Variants in SH2D3C observed in about 807,000 individuals in gnomAD.
SH2D3C encodes SH2 domain-containing protein 3C.
SH2D3C carries 25 observed loss-of-function variants against 75.2 expected under a neutral mutation model. That is an observed-to-expected ratio of 0.33 (90% CI 0.24 to 0.46). The LOEUF (loss-of-function observed/expected upper bound fraction) is 0.46. Ranked by LOEUF, SH2D3C falls within the 20% of genes least tolerant of loss-of-function variation. The pLI is 1.00. For missense variants in SH2D3C, 933 were observed against 1,165.3 expected, an observed-to-expected ratio of 0.80 and a Z score of 2.90; for synonymous variants, 450 against 473.7, an observed-to-expected ratio of 0.95 and a Z score of 0.65.
intron 3 of SH2D3C, among the ~76,000 whole-genome samples, chr9:127,755,955 A>T (rs1205398830): frequency 6.6e-6 from 1 of 152,242 alleles, no homozygotes; most frequent in Non-Finnish European, 1.5e-5. Flanking sequence ...CCAGGCATGA[A>T]GTAAGCGCTC....
At chr9:127,758,843 C>T (rs1845457628) in intron 3 of SH2D3C, among the ~76,000 whole-genome samples, 1 of 152,238 alleles carries the variant, frequency 6.6e-6, no homozygotes, top group Admixed American at 6.5e-5. Flanking sequence ...AAAGTCATCC[C>T]CTACCTCTGG....
chr9:127,768,116 A>G (rs1254942319), intron 2 of SH2D3C, among the ~76,000 whole-genome samples: 1 of 152,174 alleles, frequency 6.6e-6, no homozygotes, highest in African/African-American at 2.4e-5. Flanking sequence ...TCGGAAGACA[A>G]GGACTAGCCT....
Position 127,774,474 on chromosome 9 carries a change from G to A in SH2D3C, c.38-7C>T, listed in dbSNP as rs201632158. The A allele has an allele frequency of 8.4e-4, 1,112 of 1,327,426 alleles. 12 individuals carry two copies. The highest frequency in any genetic ancestry group is 1.1e-3 in the Middle Eastern group (6 of 5,464). 82.2% of individuals were successfully genotyped at this position (1,327,426 alleles called of 1,614,324 possible). A position where few individuals can be genotyped will look rare whatever the true frequency, so the allele number is the denominator to read the frequency against. ...CCCTTGAACTTGAAGAACTCTAGCA[G>A]AGGGGAAGGGAAGGAAAAGAAGTTA... is the stretch of plus-strand genomic sequence containing the variant. On this transcript the variant is annotated splice_polypyrimidine_tract_variant and splice_region_variant and intron_variant, in intron 1 of 11. Transcript: ENST00000314830. The surrounding 1 kb of genome is among the most constrained non-coding windows in gnomAD (Gnocchi z 4.3).
chr9:127,749,716 G>T lies in SH2D3C; in HGVS notation c.685-51C>A. On this transcript the variant is annotated intron_variant, in intron 4 of 11. Transcript: ENST00000314830. The surrounding 1 kb of genome is among the most constrained non-coding windows in gnomAD (Gnocchi z 5.9). ...GTAGGGTGGGGCCAGGAGAGGGTCA[G>T]ACCCAGGATCTGGGGGACAGAGCAA... The T allele has an allele frequency of 7.9e-7, 1 of 1,263,252 alleles. No individual in the cohort carries two copies. The highest frequency in any genetic ancestry group is 1.1e-6 in the Non-Finnish European group (1 of 900,416). The allele number at this position is 1,263,252 out of a possible 1,614,324, so 78.3% of individuals were successfully genotyped here. A position where few individuals can be genotyped will look rare whatever the true frequency, so the allele number is the denominator to read the frequency against.
chr9:127,764,961 A>G (rs1167569002), intron 2 of SH2D3C, among the ~76,000 whole-genome samples: 2 of 152,046 alleles, frequency 1.3e-5, no homozygotes, highest in African/African-American at 4.8e-5. Flanking sequence ...TGCCTGCCTC[A>G]GCCTCCCAAA....
intron 3 of SH2D3C, chr9:127,755,416 T>A (rs1845352796): frequency 3.7e-6 from 1 of 272,528 alleles, no homozygotes; most frequent in Non-Finnish European, 6.8e-6. Flanking sequence ...GCCCTCCAGT[T>A]CCGCGCGCTC....
chr9:127,757,197 A>G (rs1845406013), intron 3 of SH2D3C, among the ~76,000 whole-genome samples: 1 of 149,098 alleles, frequency 6.7e-6, no homozygotes, highest in Admixed American at 6.7e-5. Flanking sequence ...CCCGCATTAC[A>G]CGCATAAGCC....
At position 127,739,970 on chromosome 9, in the gene SH2D3C, A is replaced by G; in HGVS notation, c.2201-82T>C. ...GCAGTCCTGGAAGCTGAGGTGCAGGAGGGAACGGGCCTGGCTGAGGTCCGG... is the reference window on the plus strand; with the variant it reads ...GCAGTCCTGGAAGCTGAGGTGCAGGGGGGAACGGGCCTGGCTGAGGTCCGG... On this transcript the variant is annotated intron_variant, in intron 10 of 11. Coordinates refer to ENST00000314830, the MANE Select transcript of SH2D3C (RefSeq NM_170600.3). This position sits in a 1 kb window ranked among gnomAD's most constrained non-coding sequence, Gnocchi z 4.3. 1 of 1,325,412 alleles carries G rather than the reference A, an allele frequency of 7.5e-7. No individual in the cohort carries two copies. Among genetic ancestry groups the G allele is most frequent in the Non-Finnish European group, 1.0e-6 (1 of 979,948 alleles). 82.1% of individuals were successfully genotyped at this position (1,325,412 alleles called of 1,614,324 possible).
chr9:127,749,277 C>A lies in SH2D3C; in HGVS notation c.1073G>T (p.Arg358Leu). ...SGPKGSHMKRRSVTMTDGLTA... is the reference protein window; with the variant it reads ...SGPKGSHMKRLSVTMTDGLTA... Reference sequence around the variant, plus strand: ...GAGCCCATCGGTCATGGTGACGCTGCGCCGCTTCATGTGGCTGCCCTTGGG... The same window carrying A: ...GAGCCCATCGGTCATGGTGACGCTGAGCCGCTTCATGTGGCTGCCCTTGGG... Residue 358 changes from arginine to leucine, a missense_variant, in exon 5 of 12, where the codon CGC (arginine) becomes CTC (leucine). Arg to Leu is a moderately radical substitution (Grantham distance 102). Transcript: ENST00000314830. This position sits in a 1 kb window ranked among gnomAD's most constrained non-coding sequence, Gnocchi z 5.9. 6.2e-7 allele frequency: 1 copy of A among 1,605,658 alleles called. No homozygotes were observed. Among genetic ancestry groups the A allele is most frequent in the Non-Finnish European group, 8.5e-7 (1 of 1,175,646 alleles).
rs950675333 is a variant in SH2D3C at position 127,754,202 on chromosome 9, G to C, written c.556-2902C>G. Among the ~76,000 whole-genome samples the C allele has an allele frequency of 1.3e-5, 2 of 152,130 alleles. No homozygotes were observed. Among genetic ancestry groups the C allele is most frequent in the East Asian group, 3.9e-4 (2 of 5,188 alleles). On this transcript the variant is annotated intron_variant, in intron 3 of 11. Coordinates refer to ENST00000314830, the MANE Select transcript of SH2D3C (RefSeq NM_170600.3). The surrounding 1 kb of genome is among the most constrained non-coding windows in gnomAD (Gnocchi z 4.4). ...TCTCACCGCCTCCCGGCCTGCGCGCGCCTGATTGGCCGGTGCGGGGATGCT... is the reference window on the plus strand; with the variant it reads ...TCTCACCGCCTCCCGGCCTGCGCGCCCCTGATTGGCCGGTGCGGGGATGCT...
In SH2D3C at chr9:127,745,049, C is replaced by A; in HGVS notation, c.1315G>T (p.Ala439Ser). Reference protein sequence around the residue: ...PAAPSATALPASPVARRSSEP... With the variant: ...PAAPSATALPSSPVARRSSEP... ...CTGGAACGGCGGGCGACAGGGGAGG[C>A]AGGCAATGCTGTGGCAGAAGGGGCT... The change falls in exon 7 of 12, where the codon GCC (alanine) becomes TCC (serine). Residue 439 changes from alanine to serine, a missense_variant. Physicochemically the swap from Ala to Ser is moderately conservative, Grantham distance 99 (BLOSUM62 1). Transcript: ENST00000314830. The A allele has an allele frequency of 6.6e-7, 1 of 1,510,542 alleles. No homozygotes were observed. The allele number at this position is 1,510,542 out of a possible 1,614,324, so 93.6% of individuals were successfully genotyped here. A position where few individuals can be genotyped will look rare whatever the true frequency, so the allele number is the denominator to read the frequency against.
intron 3 of SH2D3C, among the ~76,000 whole-genome samples, chr9:127,752,586 C>T (rs1845232117): frequency 6.6e-6 from 1 of 152,204 alleles, no homozygotes; most frequent in Non-Finnish European, 1.5e-5. Flanking sequence ...AGACTATCCA[C>T]AGATCTCGCC....
At chr9:127,762,373 G>C in intron 2 of SH2D3C, 1 of 1,281,876 alleles carries the variant, frequency 7.8e-7, no homozygotes, top group Non-Finnish European at 1.0e-6. Flanking sequence ...TCCAACCCCA[G>C]ACTTGGAAAC....
At chr9:127,758,932 A>G (rs2131784419) in intron 3 of SH2D3C, among the ~76,000 whole-genome samples, 1 of 152,348 alleles carries the variant, frequency 6.6e-6, no homozygotes, top group East Asian at 1.9e-4. Context: ...AGTCACTTAC[A>G]TAGAGTTGTG....
intron 5 of SH2D3C, 109 bp from the exon 6 acceptor site, chr9:127,747,380 G>T: frequency 9.2e-7 from 1 of 1,083,388 alleles, no homozygotes; most frequent in Non-Finnish European, 1.3e-6. Context: ...GAGAAGGCTT[G>T]GAGATTATCA....
Position 127,774,986 on chromosome 9 carries a change from G to A in SH2D3C, c.38-519C>T, listed in dbSNP as rs757181840. ...ACCTGTAATCCCAGCTTCTTGGGAGGCTGAGGCAGGAGAATTGCTTGAACC... is the reference window on the plus strand; with the variant it reads ...ACCTGTAATCCCAGCTTCTTGGGAGACTGAGGCAGGAGAATTGCTTGAACC... On this transcript the variant is annotated intron_variant, in intron 1 of 11. Coordinates refer to ENST00000314830, the MANE Select transcript of SH2D3C (RefSeq NM_170600.3). This position sits in a 1 kb window ranked among gnomAD's most constrained non-coding sequence, Gnocchi z 4.3. 1.3e-5 allele frequency among the ~76,000 whole-genome samples: 2 copies of A among 152,072 alleles called. No homozygotes were observed. The highest frequency in any genetic ancestry group is 6.6e-5 in the Admixed American group (1 of 15,266).
In SH2D3C at chr9:127,741,817, C is replaced by G; in HGVS notation, c.2059G>C (p.Ala687Pro). Residue 687 changes from alanine to proline, a missense_variant, in exon 9 of 12, where the codon GCG (alanine) becomes CCG (proline). Physicochemically the swap from Ala to Pro is conservative, Grantham distance 27. Transcript: ENST00000314830. ...GTMGNMFSFAAVMGALDMAQI... is the reference protein window; with the variant it reads ...GTMGNMFSFAPVMGALDMAQI... ...GCCATGTCCAGGGCACCCATGACCG[C>G]CGCGAAGCTGAACATGTTGCCCATA... is the stretch of plus-strand genomic sequence containing the variant. The G allele has an allele frequency of 6.2e-7, 1 of 1,613,340 alleles. No individual in the cohort carries two copies.
At chr9:127,769,593 T>C (rs1341911358) in intron 2 of SH2D3C, among the ~76,000 whole-genome samples, 1 of 146,862 alleles carries the variant, frequency 6.8e-6, no homozygotes, top group Non-Finnish European at 1.5e-5. Flanking sequence ...GAGGCGGAGG[T>C]TGCGGTCAGC....
intron 1 of SH2D3C, among the ~76,000 whole-genome samples, chr9:127,775,835 A>T (rs1389110020): frequency 6.6e-6 from 1 of 151,154 alleles, no homozygotes; most frequent in Non-Finnish European, 1.5e-5. Flanking sequence ...TTTATTTATT[A>T]TTTTTTCTTT....
Sources: allele counts gnomAD v4.1 joint callset (sites outside exome capture counted in the v4.1 genomes callset), GRCh38; gene constraint gnomAD v4.1.1; non-coding constraint Gnocchi (gnomAD v3.1); transcripts MANE v1.5; gene names NCBI Gene and HGNC (gene_info 2026-07-23, HGNC 2026-07-21).